MSRA: variants seen among roughly 807,000 people sequenced by gnomAD.
MSRA encodes the protein methionine sulfoxide reductase A.
MSRA carries 54 observed loss-of-function variants against 31.3 expected under a neutral mutation model. The ratio of observed to expected loss-of-function variants is 1.73; its 90% CI spans 1.39 to 2.17. The LOEUF (loss-of-function observed/expected upper bound fraction) is 2.17. Ranked by LOEUF, MSRA falls within the 30% of genes most tolerant of loss-of-function variation. MSRA has a pLI of 0.00. For missense variants in MSRA, 507 were observed against 300.9 expected, an observed-to-expected ratio of 1.69 and a Z score of -5.07; for synonymous variants, 169 against 116.5, an observed-to-expected ratio of 1.45 and a Z score of -2.90.
intron 1 of MSRA, among the ~76,000 whole-genome samples, chr8:10,162,279 C>T (rs926667060): frequency 2.0e-5 from 3 of 152,126 alleles, no homozygotes; most frequent in Admixed American, 6.5e-5. Context: ...TCAGACCCTT[C>T]ATGAATGGGA....
intron 4 of MSRA, among the ~76,000 whole-genome samples, chr8:10,317,644 G>T (rs571458762): frequency 6.6e-6 from 1 of 152,188 alleles, no homozygotes. Flanking sequence ...AGCACAAGGT[G>T]TTGTTTCTGA....
chr8:10,340,190 C>T (rs1803334592), intron 5 of MSRA, among the ~76,000 whole-genome samples: 2 of 152,282 alleles, frequency 1.3e-5, no homozygotes, highest in South Asian at 2.1e-4. Context: ...CACAGTGACA[C>T]ACCTGCCCAT....
chr8:10,203,769 T>C (rs1024405740), intron 1 of MSRA, among the ~76,000 whole-genome samples: 3 of 152,230 alleles, frequency 2.0e-5, no homozygotes, highest in Admixed American at 2.0e-4. Context: ...AGGCAGGTAC[T>C]TCAGGAGGTG....
chr8:10,198,386 G>GA (rs1160074522), intron 1 of MSRA, among the ~76,000 whole-genome samples: 2 of 151,454 alleles, frequency 1.3e-5, no homozygotes, highest in Non-Finnish European at 2.9e-5. Flanking sequence ...CTGATGCCAG[G>GA]AAAAAAGTAC....
chr8:10,158,794 T>G (rs917974181), intron 1 of MSRA, among the ~76,000 whole-genome samples: 1 of 152,252 alleles, frequency 6.6e-6, no homozygotes, highest in African/African-American at 2.4e-5. Flanking sequence ...TTTAACATTT[T>G]GAGGAACTTC....
At chr8:10,124,228 G>A (rs1801333062) in intron 1 of MSRA, among the ~76,000 whole-genome samples, 1 of 152,170 alleles carries the variant, frequency 6.6e-6, no homozygotes, top group Non-Finnish European at 1.5e-5. Context: ...AAGTGGACAG[G>A]GAGATCATTG....
chr8:10,294,081 A>G (rs1800397184), intron 3 of MSRA, among the ~76,000 whole-genome samples: 1 of 152,122 alleles, frequency 6.6e-6, no homozygotes, highest in African/African-American at 2.4e-5. Context: ...GCATGCACCT[A>G]TAATCTCAGC....
intron 2 of MSRA, among the ~76,000 whole-genome samples, chr8:10,216,361 T>C (rs1295969698): frequency 2.0e-5 from 3 of 152,212 alleles, no homozygotes; most frequent in Non-Finnish European, 4.4e-5. Context: ...AGCAGCAACA[T>C]GAAGAAAAAT....
At chr8:10,228,588 C>G (rs1056954798) in intron 2 of MSRA, among the ~76,000 whole-genome samples, 1 of 152,168 alleles carries the variant, frequency 6.6e-6, no homozygotes, top group South Asian at 2.1e-4. Context: ...TGCAGGCATC[C>G]GTAGTGGTCC....
intron 5 of MSRA, among the ~76,000 whole-genome samples, chr8:10,338,079 G>A (rs1218230878): frequency 6.6e-6 from 1 of 152,162 alleles, no homozygotes; most frequent in Non-Finnish European, 1.5e-5. Flanking sequence ...AAGGCAAATA[G>A]GACGTGTGAG....
chr8:10,185,419 G>A (rs565781591), intron 1 of MSRA, among the ~76,000 whole-genome samples: 15 of 152,266 alleles, frequency 9.9e-5, no homozygotes, highest in African/African-American at 3.6e-4. Flanking sequence ...ATCTGATGAT[G>A]AGTGGGTGGG....
intron 1 of MSRA, chr8:10,059,031 G>T (rs1305685718): frequency 6.6e-6 from 1 of 152,128 alleles, no homozygotes; most frequent in African/African-American, 2.4e-5. Context: ...AAAGCAATTC[G>T]AGAACTACAA....
At chr8:10,255,843 G>GT (rs1204053829) in intron 3 of MSRA, among the ~76,000 whole-genome samples, 2 of 151,836 alleles carry the variant, frequency 1.3e-5, no homozygotes, top group East Asian at 1.9e-4. Flanking sequence ...CTAATAAACT[G>GT]TTTTTTGTTT....
At chr8:10,057,189 T>G (rs892792644) in intron 1 of MSRA, among the ~76,000 whole-genome samples, 2 of 152,196 alleles carry the variant, frequency 1.3e-5, no homozygotes, top group African/African-American at 4.8e-5. Flanking sequence ...GAACCTGCCC[T>G]GGACTGCCTC....
chr8:10,148,129 C>T (rs73664927), intron 1 of MSRA, among the ~76,000 whole-genome samples: 20 of 152,154 alleles, frequency 1.3e-4, no homozygotes, highest in South Asian at 6.2e-4. Flanking sequence ...GCTCTGCAGC[C>T]GGAAAGGAGA....
At chr8:10,096,591 C>T (rs762813570) in intron 1 of MSRA, among the ~76,000 whole-genome samples, 26 of 152,278 alleles carry the variant, frequency 1.7e-4, no homozygotes, top group African/African-American at 5.1e-4. Context: ...TATAATTAAA[C>T]GATTACTGTA....
intron 1 of MSRA, among the ~76,000 whole-genome samples, chr8:10,152,483 T>G (rs1042874677): frequency 1.2e-4 from 18 of 152,130 alleles, no homozygotes; most frequent in African/African-American, 3.9e-4. Context: ...ACAAGGCAAT[T>G]AAGAGCCCCA....
chr8:10,367,391 T>G (rs915900126), intron 5 of MSRA, among the ~76,000 whole-genome samples: 4 of 152,192 alleles, frequency 2.6e-5, no homozygotes, highest in African/African-American at 9.7e-5. Flanking sequence ...AACAGGTAGG[T>G]ATGTATACGA....
At chr8:10,136,149 A>G (rs1470367485) in intron 1 of MSRA, among the ~76,000 whole-genome samples, 1 of 152,174 alleles carries the variant, frequency 6.6e-6, no homozygotes, top group East Asian at 1.9e-4. Context: ...GAAGTCAACT[A>G]AGTGATAAGG....
Sources: allele counts gnomAD v4.1 joint callset (sites outside exome capture counted in the v4.1 genomes callset), GRCh38; gene constraint gnomAD v4.1.1; transcripts MANE v1.5; gene names NCBI Gene and HGNC (gene_info 2026-07-23, HGNC 2026-07-21).